NAALADL2: variants seen among roughly 807,000 people sequenced by gnomAD.
NAALADL2 encodes the protein inactive N-acetylated-alpha-linked acidic dipeptidase-like protein 2.
A neutral mutation model predicts 87.2 loss-of-function variants in NAALADL2; 76 were observed. That is an observed-to-expected ratio of 0.87 (90% CI 0.72 to 1.05). The LOEUF is 1.05. NAALADL2 is among the 50% of genes least tolerant of loss of function. The pLI, the probability that NAALADL2 is intolerant of heterozygous loss-of-function variation, is 0.00. For missense variants in NAALADL2, 1,089 were observed against 945.8 expected (o/e 1.15, Z -1.99); for synonymous variants, 354 against 331.0 (o/e 1.07, Z -0.75).
intron 2 of NAALADL2, among the ~76,000 whole-genome samples, chr3:174,610,848 A>C (rs1168833134): frequency 1.3e-5 from 2 of 152,334 alleles, no homozygotes; most frequent in Admixed American, 6.5e-5. Flanking sequence ...TCATGCTGCT[A>C]TAAAGACACA....
intron 2 of NAALADL2, among the ~76,000 whole-genome samples, chr3:175,205,896 G>A (rs945658824): frequency 4.2e-4 from 64 of 151,374 alleles, no homozygotes; most frequent in African/African-American, 1.3e-3. Context: ...ACCATCACGC[G>A]CTACCACCTT....
chr3:175,383,623 A>G (rs1372375116), intron 5 of NAALADL2, among the ~76,000 whole-genome samples: 1 of 151,672 alleles, frequency 6.6e-6, no homozygotes, highest in Non-Finnish European at 1.5e-5. Flanking sequence ...CATCTTTTTA[A>G]TGTGTTTCTT....
intron 1 of NAALADL2, among the ~76,000 whole-genome samples, chr3:174,994,251 G>T (rs1445566311): frequency 6.6e-6 from 1 of 152,112 alleles, no homozygotes; most frequent in Non-Finnish European, 1.5e-5. Context: ...CTTGATATTT[G>T]TAAAGACTTG....
chr3:174,787,602 T>TAC (rs1449238526), intron 3 of NAALADL2, among the ~76,000 whole-genome samples: 4 of 73,370 alleles, frequency 5.5e-5, no homozygotes, highest in Non-Finnish European at 1.2e-4. Context: ...TATATATATA[T>TAC]ATATATATAT....
chr3:175,485,360 G>T (rs1003557682), intron 9 of NAALADL2, among the ~76,000 whole-genome samples: 1 of 152,118 alleles, frequency 6.6e-6, no homozygotes, highest in African/African-American at 2.4e-5. Context: ...TACATATATA[G>T]GAAAGGGAGT....
intron 10 of NAALADL2, among the ~76,000 whole-genome samples, chr3:175,602,825 C>G (rs548046730): frequency 6.6e-6 from 1 of 152,230 alleles, no homozygotes; most frequent in East Asian, 1.9e-4. Flanking sequence ...CATTTTCAAG[C>G]TTACAGAAAA....
intron 2 of NAALADL2, among the ~76,000 whole-genome samples, chr3:175,138,416 C>G (rs541634132): frequency 4.6e-5 from 7 of 152,092 alleles, no homozygotes; most frequent in African/African-American, 1.7e-4. Flanking sequence ...TTAACATCTT[C>G]TAGTAATATA....
At chr3:174,842,932 T>C (rs986370962) in intron 3 of NAALADL2, among the ~76,000 whole-genome samples, 2 of 152,212 alleles carry the variant, frequency 1.3e-5, no homozygotes, top group African/African-American at 4.8e-5. Context: ...TCCTTGTTAA[T>C]GGATACTCTT....
intron 1 of NAALADL2, among the ~76,000 whole-genome samples, chr3:174,993,502 T>C (rs1314506157): frequency 1.3e-5 from 2 of 151,944 alleles, no homozygotes; most frequent in African/African-American, 2.4e-5. Context: ...CAAAGGAAGG[T>C]ATACAAGGTG....
At chr3:174,530,145 G>A (rs1721110199) in intron 1 of NAALADL2, among the ~76,000 whole-genome samples, 1 of 152,082 alleles carries the variant, frequency 6.6e-6, no homozygotes, top group South Asian at 2.1e-4. Flanking sequence ...CCTCTTCAGT[G>A]CTTTGCTGCC....
intron 1 of NAALADL2, among the ~76,000 whole-genome samples, chr3:174,502,980 A>C (rs916437897): frequency 6.6e-5 from 10 of 151,846 alleles, no homozygotes; most frequent in Admixed American, 6.6e-4. Flanking sequence ...GTGAGCTGAG[A>C]TCACGCCACT....
intron 1 of NAALADL2, among the ~76,000 whole-genome samples, chr3:174,451,030 A>G (rs1715448806): frequency 1.3e-5 from 2 of 152,296 alleles, no homozygotes; most frequent in South Asian, 4.1e-4. Flanking sequence ...TGAGAAAATA[A>G]ATTTATTTTA....
chr3:175,267,461 C>T (rs1310279431), intron 4 of NAALADL2, among the ~76,000 whole-genome samples: 1 of 152,090 alleles, frequency 6.6e-6, no homozygotes. Context: ...CAGAGCTCCC[C>T]AAACCTTCTT....
intron 3 of NAALADL2, among the ~76,000 whole-genome samples, chr3:174,787,668 C>G (rs956657907): frequency 3.3e-5 from 4 of 122,056 alleles, no homozygotes; most frequent in Admixed American, 9.4e-5. Context: ...AACTATATTT[C>G]AAAACTGGAC....
rs150981748 is a variant in NAALADL2 at position 175,148,765 on chromosome 3, T to A, written c.545+51474T>A. Among the ~76,000 whole-genome samples, 394 of 152,304 alleles carry A rather than the reference T, an allele frequency of 2.6e-3. 1 individual carries two copies. Among genetic ancestry groups the A allele is most frequent in the African/African-American group, 9.2e-3 (381 of 41,572 alleles). ...TCAGATGACCATAAGTGTACAGTTTTATTTATGGGTTCTGTATTTGGTTCC... is the reference window on the plus strand; with the variant it reads ...TCAGATGACCATAAGTGTACAGTTTAATTTATGGGTTCTGTATTTGGTTCC... On this transcript the variant is annotated intron_variant, in intron 2 of 13. Coordinates refer to ENST00000454872, the MANE Select transcript of NAALADL2 (RefSeq NM_207015.3).
chr3:174,754,134 T>C (rs1408889129), intron 3 of NAALADL2, among the ~76,000 whole-genome samples: 2 of 152,238 alleles, frequency 1.3e-5, no homozygotes, highest in Admixed American at 6.5e-5. Context: ...AAGCCTCTGC[T>C]AACTGTTACG....
At chr3:175,293,750 C>G (rs1181605218) in intron 4 of NAALADL2, among the ~76,000 whole-genome samples, 3 of 152,160 alleles carry the variant, frequency 2.0e-5, no homozygotes. Context: ...TCATCAGACA[C>G]AAATTTGCCA....
intron 9 of NAALADL2, among the ~76,000 whole-genome samples, chr3:175,570,752 C>A (rs1281113783): frequency 6.6e-6 from 1 of 151,704 alleles, no homozygotes; most frequent in Non-Finnish European, 1.5e-5. Flanking sequence ...TGGTGGCGGG[C>A]GCCTGTAGTC....
intron 2 of NAALADL2, among the ~76,000 whole-genome samples, chr3:174,727,178 G>GA (rs915408034): frequency 1.7e-4 from 26 of 150,434 alleles, no homozygotes; most frequent in African/African-American, 6.4e-4. Context: ...ATTTCTGTGA[G>GA]AAAAATGTTG....
Sources: gnomAD v4.1 joint callset for allele counts (sites outside exome capture counted in the v4.1 genomes callset) on GRCh38, gnomAD v4.1.1 for gene constraint, MANE v1.5 for transcripts, NCBI Gene and HGNC (gene_info 2026-07-23, HGNC 2026-07-21) for gene names.